The following NSD2 variants were observed in gnomAD, a reference collection of about 807,000 sequenced individuals.
NSD2 encodes the protein histone-lysine N-methyltransferase NSD2.
A neutral mutation model predicts 139.0 loss-of-function variants in NSD2; 12 were observed. That is an observed-to-expected ratio of 0.09 (90% CI 0.06 to 0.14). NSD2 has a LOEUF of 0.14. Ranked by LOEUF, NSD2 falls within the 10% of genes least tolerant of loss-of-function variation. The probability of loss-of-function intolerance (pLI) is 1.00; values close to 1 mark genes in which losing one functional copy is unlikely to be tolerated. For synonymous variants in NSD2, 669 were observed against 648.7 expected, an observed-to-expected ratio of 1.03 and a Z score of -0.48; for missense variants, 1,155 against 1,745.0, an observed-to-expected ratio of 0.66 and a Z score of 6.02.
rs1194649982 is a variant in NSD2, at chr4:1,934,900, TATATATATAA to T, written c.1556-242_1556-233del. ...AAAAATATATATATATATATATATATATATATATAAAAAACAGATAAAACAGATGCTAATA... is the reference window on the plus strand; with the variant it reads ...AAAAATATATATATATATATATATATAAAACAGATAAAACAGATGCTAATA... On this transcript the variant is annotated intron_variant, in intron 6 of 21. Transcript: ENST00000508803. Among the ~76,000 whole-genome samples, 86 of 114,334 alleles carry T rather than the reference TATATATATAA, an allele frequency of 7.5e-4. 1 individual carries two copies. Among genetic ancestry groups the T allele is most frequent in the African/African-American group, 2.8e-3 (82 of 29,308 alleles). 75.0% of individuals were successfully genotyped at this position (114,334 alleles called of 152,430 possible).
intron 5 of NSD2, among the ~76,000 whole-genome samples, chr4:1,927,139 C>T (rs1721009048): frequency 6.6e-6 from 1 of 152,186 alleles, no homozygotes; most frequent in South Asian, 2.1e-4. Flanking sequence ...GGTCCTTCAC[C>T]ATGTGGCCCT....
chr4:1,955,511 C>T lies in NSD2; in HGVS notation c.2518+171C>T, dbSNP rs561817918. 1.7e-5 allele frequency: 21 copies of T among 1,233,358 alleles called. No individual in the cohort carries two copies. In the African/African-American group the frequency reaches 2.4e-4, roughly 14 times the overall value. 76.4% of individuals were successfully genotyped at this position (1,233,358 alleles called of 1,614,324 possible). A position where few individuals can be genotyped will look rare whatever the true frequency, so the allele number is the denominator to read the frequency against. On this transcript the variant is annotated intron_variant, in intron 13 of 21. Transcript: ENST00000508803. The surrounding 1 kb of genome is among the most constrained non-coding windows in gnomAD (Gnocchi z 4.7). ...CTCTAAATTAATTGTAATCATTTCG[C>T]AAACATACAGGAAATTATTTGTGGT... is the stretch of plus-strand genomic sequence containing the variant.
chr4:1,945,759 T>G, intron 9 of NSD2: 6 of 1,064,226 alleles, frequency 5.6e-6, no homozygotes, highest in Non-Finnish European at 6.8e-6. Context: ...CTGACATCAG[T>G]CACTGCGTCT....
chr4:1,966,821 C>G (rs1725940412), intron 18 of NSD2, among the ~76,000 whole-genome samples: 1 of 152,024 alleles, frequency 6.6e-6, no homozygotes, highest in Admixed American at 6.5e-5. Flanking sequence ...TTTTAGGGCA[C>G]TCAATACATA....
chr4:1,957,791 G>T, intron 15 of NSD2, 142 bp from the exon 16 acceptor site: 2 of 769,878 alleles, frequency 2.6e-6, no homozygotes, highest in Non-Finnish European at 4.1e-6. Context: ...CCCACTGACA[G>T]TTGTTCATAG....
intron 3 of NSD2, chr4:1,912,245 T>G (rs924156249): frequency 1.5e-5 from 3 of 196,304 alleles, no homozygotes; most frequent in Non-Finnish European, 3.3e-5. Context: ...AATACTTTGA[T>G]TTCTCATGTA....
intron 1 of NSD2, among the ~76,000 whole-genome samples, chr4:1,894,739 T>C (rs1331486272): frequency 6.6e-6 from 1 of 152,002 alleles, no homozygotes; most frequent in Non-Finnish European, 1.5e-5. Flanking sequence ...CCTCTCCAAC[T>C]AGAACTGCAT....
Position 1,955,037 on chromosome 4 carries a change from T to C in NSD2, c.2339-124T>C, listed in dbSNP as rs1577535788. On this transcript the variant is annotated intron_variant, in intron 12 of 21. Transcript: ENST00000508803. The surrounding 1 kb of genome is among the most constrained non-coding windows in gnomAD (Gnocchi z 4.7). ...CTCTGAAAGCTTTTTTTAAATCAAA[T>C]ACCTCCATTTCATTTTAGCATTAAC... 9.2e-7 allele frequency: 1 copy of C among 1,084,682 alleles called. No homozygotes were observed. The highest frequency in any genetic ancestry group is 2.6e-5 in the East Asian group (1 of 38,640). 67.2% of individuals were successfully genotyped at this position (1,084,682 alleles called of 1,614,324 possible). A position where few individuals can be genotyped will look rare whatever the true frequency, so the allele number is the denominator to read the frequency against.
chr4:1,968,683 A>G (rs554688437), intron 18 of NSD2, among the ~76,000 whole-genome samples: 26 of 152,346 alleles, frequency 1.7e-4, no homozygotes, highest in African/African-American at 6.3e-4. Flanking sequence ...AGTGGTTTAA[A>G]TGTATAAGTT....
intron 9 of NSD2, chr4:1,944,642 T>A (rs926597770): frequency 9.4e-7 from 1 of 1,062,830 alleles, no homozygotes; most frequent in Admixed American, 5.4e-5. Flanking sequence ...AGTACTCCAT[T>A]GTAATAGGGT....
Position 1,958,338 on chromosome 4 carries a change from C to G in NSD2, c.2985+302C>G, listed in dbSNP as rs956959930. ...AGCTGAGGGATGAGCCTCCCACCTG[C>G]ACCAGGCTGTTGCCAAGTGCTGGGA... On this transcript the variant is annotated intron_variant, in intron 16 of 21. Transcript: ENST00000508803. This position sits in a 1 kb window ranked among gnomAD's most constrained non-coding sequence, Gnocchi z 4.6. Among the ~76,000 whole-genome samples, 1 of 152,236 alleles carries G rather than the reference C, an allele frequency of 6.6e-6. No homozygotes were observed. Among genetic ancestry groups the G allele is most frequent in the Non-Finnish European group, 1.5e-5 (1 of 68,038 alleles).
At chr4:1,896,972 A>G (rs772587139) in intron 1 of NSD2, among the ~76,000 whole-genome samples, 1 of 151,906 alleles carries the variant, frequency 6.6e-6, no homozygotes, top group Admixed American at 6.6e-5. Flanking sequence ...GGAGTTGGAG[A>G]CCAGCCTCGG....
chr4:1,965,768 C>T (rs374034896), intron 18 of NSD2, among the ~76,000 whole-genome samples: 21 of 152,228 alleles, frequency 1.4e-4, no homozygotes, highest in East Asian at 1.2e-3. Flanking sequence ...TTGCACATGG[C>T]GGCAGGAGAG....
chr4:1,946,785 A>C, intron 9 of NSD2: 4 of 1,052,766 alleles, frequency 3.8e-6, no homozygotes, highest in Non-Finnish European at 4.6e-6. Flanking sequence ...TGGATGAGCA[A>C]GGAGCATGCT....
At chr4:1,885,295 G>T (rs1400892580) in intron 1 of NSD2, among the ~76,000 whole-genome samples, 1 of 152,120 alleles carries the variant, frequency 6.6e-6, no homozygotes, top group Admixed American at 6.6e-5. Context: ...AATCAGTAAA[G>T]GGCAGAAACA....
At position 1,872,633 on chromosome 4, in the gene NSD2, A is replaced by AGAGAGAGAGAGAGAGC. The variant is rs1203166315; in HGVS notation, c.-30+1094_-30+1095insAGAGAGAGAGAGCGAG. On this transcript the variant is annotated intron_variant, in intron 1 of 21. Coordinates refer to ENST00000508803, the MANE Select transcript of NSD2 (RefSeq NM_001042424.3). ...GAGAGAGAGAGAGAGAGAGAGAGAG[A>AGAGAGAGAGAGAGAGC]GAGCGCGCAGACCCTGTGAAGACAA... Among the ~76,000 whole-genome samples, 7 of 131,110 alleles carry AGAGAGAGAGAGAGAGC rather than the reference A, an allele frequency of 5.3e-5. No individual in the cohort carries two copies. The East Asian group carries it at 6.7e-4, about 12-fold the overall frequency. The allele number at this position is 131,110 out of a possible 152,430, so 86.0% of individuals were successfully genotyped here.
intron 1 of NSD2, among the ~76,000 whole-genome samples, chr4:1,898,870 C>G (rs1560586611): frequency 1.3e-5 from 2 of 152,046 alleles, no homozygotes; most frequent in African/African-American, 4.8e-5. Context: ...GCTTCAAACT[C>G]TCCTCAGTCA....
chr4:1,945,137 A>C (rs766200351), intron 9 of NSD2: 20 of 1,064,694 alleles, frequency 1.9e-5, no homozygotes, highest in Non-Finnish European at 2.0e-5. Context: ...AGCTCTAGGG[A>C]GATCTGATTT....
At chr4:1,929,956 G>A (rs1028110331) in intron 5 of NSD2, among the ~76,000 whole-genome samples, 5 of 152,116 alleles carry the variant, frequency 3.3e-5, no homozygotes, top group Admixed American at 6.5e-5. Context: ...GTGTGTCTGC[G>A]GATCATCCTA....
Sources: allele counts gnomAD v4.1 joint callset (sites outside exome capture counted in the v4.1 genomes callset), GRCh38; gene constraint gnomAD v4.1.1; non-coding constraint Gnocchi (gnomAD v3.1); transcripts MANE v1.5; gene names NCBI Gene and HGNC (gene_info 2026-07-23, HGNC 2026-07-21).